The following GALNT13 variants were observed in gnomAD, a reference collection of about 807,000 sequenced individuals.
GALNT13 encodes polypeptide N-acetylgalactosaminyltransferase 13.
Under a neutral mutation model 64.2 loss-of-function variants are expected in GALNT13, and 28 were observed. The observed-to-expected ratio is 0.44, with a 90% CI of 0.32 to 0.60. The LOEUF (loss-of-function observed/expected upper bound fraction) is 0.60. GALNT13 is among the 20% of genes least tolerant of loss of function. GALNT13 has a pLI of 0.05. For missense variants in GALNT13, 577 were observed against 669.8 expected, an observed-to-expected ratio of 0.86 and a Z score of 1.53; for synonymous variants, 214 against 224.6, an observed-to-expected ratio of 0.95 and a Z score of 0.42.
the GALNT13 span, among the ~76,000 whole-genome samples, chr2:153,530,441 A>C: frequency 1.3e-5 from 2 of 152,070 alleles, no homozygotes; most frequent in East Asian, 3.9e-4. Flanking sequence ...TTTTGTCCAT[A>C]CTCCCCAAAG....
the GALNT13 span, among the ~76,000 whole-genome samples, chr2:153,599,437 T>C: frequency 6.6e-6 from 1 of 152,050 alleles, no homozygotes; most frequent in Non-Finnish European, 1.5e-5. Flanking sequence ...CTGCTGTGTA[T>C]CTTCCTGAGA....
chr2:153,095,610 C>T, the GALNT13 span, among the ~76,000 whole-genome samples: 2 of 152,124 alleles, frequency 1.3e-5, no homozygotes, highest in Admixed American at 1.3e-4. Context: ...CAGCACTATT[C>T]ACAATAGCAA....
intron 9 of GALNT13, among the ~76,000 whole-genome samples, chr2:154,368,627 G>C (rs1697505327): frequency 6.6e-6 from 1 of 152,106 alleles, no homozygotes; most frequent in Non-Finnish European, 1.5e-5. Flanking sequence ...TCTTAATTCT[G>C]TTTATGCCAT....
At chr2:153,884,373 A>T (rs1686990352) in intron 1 of GALNT13, among the ~76,000 whole-genome samples, 1 of 151,930 alleles carries the variant, frequency 6.6e-6, no homozygotes, top group Non-Finnish European at 1.5e-5. Context: ...CCATAAAGAT[A>T]TTGGGATTTA....
chr2:154,324,662 G>T (rs1207316661), intron 9 of GALNT13, among the ~76,000 whole-genome samples: 1 of 152,072 alleles, frequency 6.6e-6, no homozygotes, highest in Non-Finnish European at 1.5e-5. Context: ...AGGTTGCAGA[G>T]AAAATAGGGA....
chr2:153,999,640 C>T (rs1259756709), intron 3 of GALNT13, among the ~76,000 whole-genome samples: 1 of 151,978 alleles, frequency 6.6e-6, no homozygotes, highest in Non-Finnish European at 1.5e-5. Context: ...GTATGATGAA[C>T]CATCCTTTCA....
chr2:153,231,019 G>A, the GALNT13 span, among the ~76,000 whole-genome samples: 4 of 152,122 alleles, frequency 2.6e-5, no homozygotes, highest in African/African-American at 9.7e-5. Flanking sequence ...CTTAACCAGT[G>A]GCTGACTGGA....
At chr2:153,082,652 CACACACACACACAT>C in the GALNT13 span, among the ~76,000 whole-genome samples, 2 of 79,798 alleles carry the variant, frequency 2.5e-5, no homozygotes, top group African/African-American at 8.6e-5. Context: ...CACACACACA[CACACACACACACAT>C]ATATATAATT....
intron 3 of GALNT13, among the ~76,000 whole-genome samples, chr2:154,024,482 A>G (rs1346692226): frequency 1.3e-5 from 2 of 151,976 alleles, no homozygotes; most frequent in Non-Finnish European, 2.9e-5. Flanking sequence ...AGTTCATTGC[A>G]TCGGCTCCTG....
intron 4 of GALNT13, among the ~76,000 whole-genome samples, chr2:154,217,844 AGT>A: frequency 6.6e-6 from 1 of 152,288 alleles, no homozygotes; most frequent in Middle Eastern, 3.4e-3. Flanking sequence ...TTTTCAAAAG[AGT>A]GTGTGTGAAC....
rs540470887 is a variant in GALNT13 at position 154,420,261 on chromosome 2, C to T, written c.1395+11179C>T. On this transcript the variant is annotated intron_variant, in intron 11 of 12. Transcript: ENST00000392825. The stretch of plus-strand genomic sequence containing the variant: ...AATGTGTTGCTACTAACAGCATCCA[C>T]TTTGTACCCATTGCCCACCAATTTG... 7.2e-5 allele frequency among the ~76,000 whole-genome samples: 11 copies of T among 152,208 alleles called. No individual in the cohort carries two copies. The South Asian group carries it at 2.1e-3, about 29-fold the overall frequency.
At chr2:154,264,338 T>C (rs1690862157) in intron 8 of GALNT13, among the ~76,000 whole-genome samples, 1 of 151,748 alleles carries the variant, frequency 6.6e-6, no homozygotes, top group Admixed American at 6.6e-5. Flanking sequence ...AACCCATGGA[T>C]AGTCTGGATG....
chr2:154,266,140 T>C (rs1690984902), intron 8 of GALNT13, among the ~76,000 whole-genome samples: 1 of 152,100 alleles, frequency 6.6e-6, no homozygotes, highest in African/African-American at 2.4e-5. Flanking sequence ...ATCAACCTGA[T>C]AAAGGGTTTG....
intron 4 of GALNT13, among the ~76,000 whole-genome samples, chr2:154,192,673 T>TTTG (rs1483933909): frequency 7.9e-5 from 12 of 152,228 alleles, no homozygotes; most frequent in African/African-American, 2.9e-4. Context: ...TTTCTGGTAA[T>TTTG]TTGTTTGTTT....
chr2:153,196,788 A>T, the GALNT13 span, among the ~76,000 whole-genome samples: 1 of 151,036 alleles, frequency 6.6e-6, no homozygotes, highest in Non-Finnish European at 1.5e-5. Flanking sequence ...AGGGGCTCCC[A>T]CTTGTCCCTA....
intron 1 of GALNT13, among the ~76,000 whole-genome samples, chr2:153,898,937 T>C (rs1327975258): frequency 2.0e-5 from 3 of 151,456 alleles, no homozygotes; most frequent in Non-Finnish European, 2.9e-5. Flanking sequence ...GTATTTAAAA[T>C]TGTCAGAGTA....
chr2:153,235,706 A>T, the GALNT13 span, among the ~76,000 whole-genome samples: 2 of 152,050 alleles, frequency 1.3e-5, no homozygotes, highest in African/African-American at 2.4e-5. Context: ...TGAACCCAGG[A>T]TGTGGTTTGT....
chr2:153,931,636 T>C (rs954566781), intron 2 of GALNT13, among the ~76,000 whole-genome samples: 1 of 152,196 alleles, frequency 6.6e-6, no homozygotes, highest in Non-Finnish European at 1.5e-5. Flanking sequence ...GTTCTGTTTA[T>C]GTGCTGAAGC....
the GALNT13 span, among the ~76,000 whole-genome samples, chr2:153,328,749 G>A: frequency 6.6e-6 from 1 of 152,132 alleles, no homozygotes; most frequent in African/African-American, 2.4e-5. Context: ...GGCTCCATAG[G>A]GGTGGGCTCC....
Sources: allele counts gnomAD v4.1 joint callset (sites outside exome capture counted in the v4.1 genomes callset), GRCh38; gene constraint gnomAD v4.1.1; transcripts MANE v1.5; gene names NCBI Gene and HGNC (gene_info 2026-07-23, HGNC 2026-07-21).